Variants in ST6GAL1 observed in about 807,000 individuals in gnomAD.
ST6GAL1 encodes the protein beta-galactoside alpha-2,6-sialyltransferase 1.
In ST6GAL1, 20 loss-of-function variants were observed where a neutral mutation model predicts 38.0. The ratio of observed to expected loss-of-function variants is 0.53; its 90% confidence interval spans 0.37 to 0.77. The LOEUF (loss-of-function observed/expected upper bound fraction) is 0.77, where lower values mean the gene tolerates loss of function less well. Ranked by LOEUF, ST6GAL1 falls within the 30% of genes least tolerant of loss-of-function variation. ST6GAL1 has a pLI of 0.00. For missense variants in ST6GAL1, 432 were observed against 496.4 expected (o/e 0.87, Z 1.23); for synonymous variants, 196 against 188.2 (o/e 1.04, Z -0.34).
intron 1 of ST6GAL1, among the ~76,000 whole-genome samples, chr3:186,953,795 C>T (rs1428245707): frequency 6.7e-6 from 1 of 149,974 alleles, no homozygotes; most frequent in African/African-American, 2.5e-5. Flanking sequence ...CATGAAGAAA[C>T]TGAGACACAG....
chr3:186,973,922 C>T (rs1436601966), intron 2 of ST6GAL1, among the ~76,000 whole-genome samples: 1 of 152,194 alleles, frequency 6.6e-6, no homozygotes, highest in African/African-American at 2.4e-5. Context: ...AGCCATGGCG[C>T]TTGACCTCCT....
chr3:186,943,218 G>A (rs9860157), intron 1 of ST6GAL1, among the ~76,000 whole-genome samples: 34,452 of 152,170 alleles, frequency 0.23, 4,851 homozygotes, highest in Non-Finnish European at 0.33. Flanking sequence ...AGTAGTAGCT[G>A]TTAGCCTCTG....
At chr3:186,985,584 C>T (rs561886847) in intron 2 of ST6GAL1, among the ~76,000 whole-genome samples, 2 of 145,132 alleles carry the variant, frequency 1.4e-5, no homozygotes, top group African/African-American at 2.6e-5. Flanking sequence ...GGAAACATGG[C>T]GAAACCCCGT....
chr3:187,019,115 A>G (rs1221570988), intron 2 of ST6GAL1, among the ~76,000 whole-genome samples: 1 of 152,258 alleles, frequency 6.6e-6, no homozygotes, highest in Non-Finnish European at 1.5e-5. Flanking sequence ...AATTAAAGTT[A>G]GTCGACAACA....
At chr3:187,035,169 T>C (rs1416299093) in intron 2 of ST6GAL1, among the ~76,000 whole-genome samples, 1 of 152,102 alleles carries the variant, frequency 6.6e-6, no homozygotes, top group Non-Finnish European at 1.5e-5. Flanking sequence ...AACAAAATTT[T>C]AAATACCTAG....
intron 1 of ST6GAL1, among the ~76,000 whole-genome samples, chr3:186,933,378 T>TTTTA (rs1713829162): frequency 6.6e-6 from 1 of 152,208 alleles, no homozygotes; most frequent in African/African-American, 2.4e-5. Flanking sequence ...AAAATTCTTA[T>TTTTA]CTGCCTTCCT....
At chr3:186,937,627 A>G (rs958060717) in intron 1 of ST6GAL1, among the ~76,000 whole-genome samples, 2 of 145,402 alleles carry the variant, frequency 1.4e-5, no homozygotes, top group African/African-American at 2.4e-5. Context: ...AGGAGGAGGC[A>G]GGGGTAACAA....
At chr3:187,012,320 C>T (rs1262092232) in intron 2 of ST6GAL1, among the ~76,000 whole-genome samples, 3 of 151,856 alleles carry the variant, frequency 2.0e-5, no homozygotes, top group East Asian at 1.9e-4. Context: ...TGCAGTGGCA[C>T]GATCTCGGCT....
intron 1 of ST6GAL1, among the ~76,000 whole-genome samples, chr3:186,939,522 A>G (rs1478000668): frequency 1.3e-5 from 2 of 152,206 alleles, no homozygotes; most frequent in East Asian, 3.8e-4. Context: ...ATGCTTTTAG[A>G]AAGTGACTTT....
At chr3:187,023,268 T>C (rs529680006) in intron 2 of ST6GAL1, among the ~76,000 whole-genome samples, 1 of 152,366 alleles carries the variant, frequency 6.6e-6, no homozygotes, top group Non-Finnish European at 1.5e-5. Context: ...AAGCTGTCCC[T>C]ATTTCTCTTC....
At chr3:186,956,257 A>G (rs1714746796) in intron 1 of ST6GAL1, among the ~76,000 whole-genome samples, 1 of 152,200 alleles carries the variant, frequency 6.6e-6, no homozygotes, top group Non-Finnish European at 1.5e-5. Context: ...GCAACTTTCA[A>G]GTCCAAAAAT....
At chr3:187,039,198 A>G (rs1264527418) in intron 3 of ST6GAL1, among the ~76,000 whole-genome samples, 2 of 152,118 alleles carry the variant, frequency 1.3e-5, no homozygotes, top group African/African-American at 4.8e-5. Flanking sequence ...TCGGGACAGG[A>G]TTTCCTTGCT....
At chr3:187,071,138 C>T (rs575109105) in intron 5 of ST6GAL1, among the ~76,000 whole-genome samples, 6 of 152,070 alleles carry the variant, frequency 3.9e-5, no homozygotes, top group Non-Finnish European at 7.4e-5. Context: ...TCAGCCTTGG[C>T]GATGTAGACT....
intron 2 of ST6GAL1, among the ~76,000 whole-genome samples, chr3:186,980,088 G>T (rs78949521): frequency 0.022 from 3,409 of 152,242 alleles, 126 homozygotes; most frequent in African/African-American, 0.077. Context: ...TAAAACAAAC[G>T]ATGATGGAAT....
chr3:186,962,938 A>G (rs528737509), intron 1 of ST6GAL1, among the ~76,000 whole-genome samples: 28 of 152,330 alleles, frequency 1.8e-4, no homozygotes, highest in African/African-American at 6.5e-4. Context: ...AACCATGCCT[A>G]GCTTTATTAC....
intron 5 of ST6GAL1, among the ~76,000 whole-genome samples, chr3:187,063,096 TTTATG>T (rs1718978467): frequency 6.6e-6 from 1 of 152,216 alleles, no homozygotes; most frequent in Non-Finnish European, 1.5e-5. Context: ...AATGGTCAAT[TTTATG>T]TTATGTATAT....
intron 2 of ST6GAL1, among the ~76,000 whole-genome samples, chr3:186,969,992 C>T (rs1053454694): frequency 3.9e-5 from 6 of 152,002 alleles, no homozygotes; most frequent in East Asian, 1.9e-4. Flanking sequence ...TATTTGGAAA[C>T]GATTGTAGAT....
chr3:187,023,748 C>T (rs1187476498), intron 2 of ST6GAL1, among the ~76,000 whole-genome samples: 1 of 151,376 alleles, frequency 6.6e-6, no homozygotes, highest in Non-Finnish European at 1.5e-5. Flanking sequence ...GTGGGGGGAA[C>T]GGGGAGGGAT....
intron 2 of ST6GAL1, among the ~76,000 whole-genome samples, chr3:186,983,483 G>C (rs1459767748): frequency 6.6e-6 from 1 of 152,144 alleles, no homozygotes; most frequent in Admixed American, 6.5e-5. Flanking sequence ...TTATAGGATT[G>C]CTCTAGGGGC....
Sources: gnomAD v4.1 joint callset for allele counts (sites outside exome capture counted in the v4.1 genomes callset) on GRCh38, gnomAD v4.1.1 for gene constraint, MANE v1.5 for transcripts, NCBI Gene and HGNC (gene_info 2026-07-23, HGNC 2026-07-21) for gene names.